CNTNAP2: variants seen among roughly 807,000 people sequenced by gnomAD.
The protein encoded by CNTNAP2 is contactin-associated protein-like 2.
In CNTNAP2, 98 loss-of-function variants were observed where a neutral mutation model predicts 155.2. The observed-to-expected ratio is 0.63, with a 90% confidence interval of 0.54 to 0.75. CNTNAP2 has a LOEUF of 0.75. Among genes scored for constraint, CNTNAP2 ranks in the 30% least tolerant of loss-of-function variants. The probability of loss-of-function intolerance (pLI) is 0.00; values close to 1 mark genes in which losing one functional copy is unlikely to be tolerated. For missense variants in CNTNAP2, 1,727 were observed against 1,688.1 expected (o/e 1.02, Z -0.40); for synonymous variants, 651 against 631.2 (o/e 1.03, Z -0.47).
chr7:146,716,760 A>G (rs561298603), intron 1 of CNTNAP2, among the ~76,000 whole-genome samples: 1 of 152,300 alleles, frequency 6.6e-6, no homozygotes, highest in East Asian at 1.9e-4. Context: ...AAGGAGATCA[A>G]TATGTGAGCA....
At chr7:147,734,825 T>G (rs1389900294) in intron 13 of CNTNAP2, among the ~76,000 whole-genome samples, 1 of 152,226 alleles carries the variant, frequency 6.6e-6, no homozygotes, top group Admixed American at 6.5e-5. Context: ...TAGTATTCTC[T>G]GATGGTAGTT....
intron 1 of CNTNAP2, among the ~76,000 whole-genome samples, chr7:146,385,963 A>G (rs149346689): frequency 9.3e-4 from 141 of 152,290 alleles, no homozygotes; most frequent in African/African-American, 3.1e-3. Flanking sequence ...AGCATATCAC[A>G]TACAAGTAGT....
intron 10 of CNTNAP2, among the ~76,000 whole-genome samples, chr7:147,468,709 T>C (rs927758176): frequency 6.6e-6 from 1 of 152,230 alleles, no homozygotes. Flanking sequence ...AGACATTCTC[T>C]GTTTCTGTGT....
At chr7:146,204,415 T>C (rs1798915324) in intron 1 of CNTNAP2, among the ~76,000 whole-genome samples, 1 of 152,174 alleles carries the variant, frequency 6.6e-6, no homozygotes, top group South Asian at 2.1e-4. Flanking sequence ...TATTCTCTGA[T>C]ATGCACTGAT....
chr7:146,217,718 G>C (rs1296607803), intron 1 of CNTNAP2, among the ~76,000 whole-genome samples: 1 of 152,136 alleles, frequency 6.6e-6, no homozygotes, highest in Non-Finnish European at 1.5e-5. Context: ...GTTGCCTCTG[G>C]GTGGGGGGAT....
chr7:146,600,502 A>G (rs925502720), intron 1 of CNTNAP2, among the ~76,000 whole-genome samples: 1 of 152,124 alleles, frequency 6.6e-6, no homozygotes, highest in Non-Finnish European at 1.5e-5. Flanking sequence ...TTTTGCACAC[A>G]TAATCATATT....
At chr7:147,491,495 T>C (rs1036023909) in intron 11 of CNTNAP2, among the ~76,000 whole-genome samples, 1 of 152,220 alleles carries the variant, frequency 6.6e-6, no homozygotes, top group African/African-American at 2.4e-5. Flanking sequence ...GCAATGGTTA[T>C]GATTTTGCAC....
chr7:146,838,861 C>G (rs1803666848), intron 2 of CNTNAP2, among the ~76,000 whole-genome samples: 1 of 152,076 alleles, frequency 6.6e-6, no homozygotes, highest in Non-Finnish European at 1.5e-5. Context: ...TTATATCATT[C>G]TCTTTAGTAG....
At chr7:147,540,262 C>T (rs768257516) in intron 11 of CNTNAP2, among the ~76,000 whole-genome samples, 7 of 152,264 alleles carry the variant, frequency 4.6e-5, no homozygotes, top group Middle Eastern at 3.4e-3. Flanking sequence ...GAACATCACA[C>T]TCTTACCTCC....
intron 13 of CNTNAP2, among the ~76,000 whole-genome samples, chr7:147,812,745 T>C (rs1300664781): frequency 6.6e-6 from 1 of 152,190 alleles, no homozygotes; most frequent in Non-Finnish European, 1.5e-5. Flanking sequence ...TATACTTCTT[T>C]TTAAAAAATG....
intron 15 of CNTNAP2, among the ~76,000 whole-genome samples, chr7:148,020,962 A>G (rs146442110): frequency 6.4e-4 from 98 of 152,360 alleles, no homozygotes; most frequent in African/African-American, 2.2e-3. Context: ...ACCGTCAATC[A>G]TTGAATCGGT....
intron 1 of CNTNAP2, among the ~76,000 whole-genome samples, chr7:146,297,221 T>C (rs1263800661): frequency 6.6e-6 from 1 of 152,146 alleles, no homozygotes; most frequent in Admixed American, 6.6e-5. Context: ...ATCATTAATT[T>C]CCCAGTGCAT....
intron 13 of CNTNAP2, among the ~76,000 whole-genome samples, chr7:147,867,045 G>T (rs777168384): frequency 6.6e-6 from 1 of 152,110 alleles, no homozygotes; most frequent in African/African-American, 2.4e-5. Flanking sequence ...TCACAGCATC[G>T]ATGGTCTTTA....
In CNTNAP2 at chr7:146,460,838, G is replaced by A. The variant is rs570124951; in HGVS notation, c.98-313433G>A. ...TGGGGTATAGGGCAGGGAATGGGGA[G>A]ATACTGGTTAAAGGGTACAAAATTT... On this transcript the variant is annotated intron_variant, in intron 1 of 23. Transcript: ENST00000361727. Among the ~76,000 whole-genome samples the A allele has an allele frequency of 5.5e-4, 84 of 152,294 alleles. 1 individual carries two copies. In the South Asian group the frequency reaches 0.017, roughly 31 times the overall value.
chr7:147,815,606 A>C (rs975221767), intron 13 of CNTNAP2, among the ~76,000 whole-genome samples: 2 of 152,148 alleles, frequency 1.3e-5, no homozygotes, highest in African/African-American at 4.8e-5. Flanking sequence ...CCACCCAGAC[A>C]ATCATCTCTC....
intron 3 of CNTNAP2, among the ~76,000 whole-genome samples, chr7:146,918,786 T>C (rs753081211): frequency 6.6e-6 from 1 of 152,274 alleles, no homozygotes; most frequent in Admixed American, 6.5e-5. Context: ...TCCAAACTTT[T>C]AGATTTCTCT....
intron 16 of CNTNAP2, among the ~76,000 whole-genome samples, chr7:148,146,957 GT>G (rs34523308): frequency 2.0e-5 from 3 of 151,636 alleles, no homozygotes; most frequent in African/African-American, 4.9e-5. Flanking sequence ...TTCCTGGGGA[GT>G]TTTTTTAAAA....
At chr7:148,278,139 G>C (rs1304145738) in intron 21 of CNTNAP2, among the ~76,000 whole-genome samples, 1 of 152,192 alleles carries the variant, frequency 6.6e-6, no homozygotes, top group Admixed American at 6.6e-5. Context: ...TTTCCCTTCA[G>C]TGAAGAAAAC....
chr7:146,934,284 C>T (rs976976538), intron 3 of CNTNAP2, among the ~76,000 whole-genome samples: 36 of 152,118 alleles, frequency 2.4e-4, no homozygotes, highest in African/African-American at 8.4e-4. Context: ...AGTTCATGTC[C>T]TTTGTAGGGA....
Sources: gnomAD v4.1 joint callset for allele counts (sites outside exome capture counted in the v4.1 genomes callset) on GRCh38, gnomAD v4.1.1 for gene constraint, MANE v1.5 for transcripts, NCBI Gene and HGNC (gene_info 2026-07-23, HGNC 2026-07-21) for gene names.